ARHGAP29: variants seen among roughly 807,000 people sequenced by gnomAD.
The protein encoded by ARHGAP29 is Rho GTPase activating protein 29.
A neutral mutation model predicts 122.6 loss-of-function variants in ARHGAP29; 43 were observed. The ratio of observed to expected loss-of-function variants is 0.35; its 90% CI spans 0.27 to 0.45. ARHGAP29 has a LOEUF of 0.45. Among genes scored for constraint, ARHGAP29 ranks in the 20% least tolerant of loss-of-function variants. The probability of loss-of-function intolerance (pLI) is 1.00; values close to 1 mark genes in which losing one functional copy is unlikely to be tolerated. For synonymous variants in ARHGAP29, 506 were observed against 497.1 expected (o/e 1.02, Z -0.24); for missense variants, 1,303 against 1,477.2 (o/e 0.88, Z 1.93).
intron 1 of ARHGAP29, 41 bp from the exon 2 acceptor site, chr1:94,231,684 G>A (rs1652928362): frequency 6.8e-7 from 1 of 1,461,686 alleles, no homozygotes; most frequent in East Asian, 2.3e-5. Flanking sequence ...AGCGAGGAGA[G>A]AGAAAGAAAC....
At chr1:94,251,993 C>T (rs544259314) in intron 1 of ARHGAP29, among the ~76,000 whole-genome samples, 1 of 151,888 alleles carries the variant, frequency 6.6e-6, no homozygotes, top group Non-Finnish European at 1.5e-5. Context: ...TGTTTCCAGC[C>T]CCTGGAAAAG....
the ARHGAP29 span, among the ~76,000 whole-genome samples, chr1:94,311,738 GCTT>G: frequency 1.2e-4 from 18 of 152,130 alleles, no homozygotes; most frequent in Non-Finnish European, 2.5e-4. Flanking sequence ...TCTTGGGTTT[GCTT>G]CTTATTTTCC....
chr1:94,225,431 C>T (rs1219844782), intron 2 of ARHGAP29, among the ~76,000 whole-genome samples: 2 of 152,056 alleles, frequency 1.3e-5, no homozygotes, highest in South Asian at 2.1e-4. Flanking sequence ...TCTTAATATA[C>T]ATAAATGGCA....
chr1:94,273,716 G>A (rs1217226418), intron 1 of ARHGAP29, among the ~76,000 whole-genome samples: 1 of 152,188 alleles, frequency 6.6e-6, no homozygotes, highest in Non-Finnish European at 1.5e-5. Flanking sequence ...GAAAGATCTT[G>A]CCTTGGATTT....
chr1:94,199,079 C>T (rs1056443086), intron 12 of ARHGAP29, among the ~76,000 whole-genome samples: 6 of 151,938 alleles, frequency 3.9e-5, no homozygotes, highest in East Asian at 3.9e-4. Flanking sequence ...CATCACACAC[C>T]GGGGCCTGTC....
At position 94,174,530 on chromosome 1, in the gene ARHGAP29, A is replaced by G; in HGVS notation, c.3125T>C (p.Val1042Ala). The change falls in exon 23 of 23, where the codon GTA becomes GCA. Residue 1042 changes from valine to alanine, a missense_variant. Val to Ala is a moderately conservative substitution (Grantham distance 64). Around this residue, in one of 3 missense-constraint regions of ARHGAP29, gnomAD observed 620 missense variants for 651.2 expected, o/e 0.95. Transcript: ENST00000260526. ...NERNGRNMGNVNLDKFCKNPA... is the reference protein window; with the variant it reads ...NERNGRNMGNANLDKFCKNPA... ...ATTCTTGCAAAACTTGTCTAAATTT[A>G]CATTTCCCATATTTCTGCCATTTCT... The G allele has an allele frequency of 6.2e-7, 1 of 1,614,210 alleles. No homozygotes were observed. Among genetic ancestry groups the G allele is most frequent in the Non-Finnish European group, 8.5e-7 (1 of 1,180,030 alleles).
chr1:94,308,366 G>T, the ARHGAP29 span, among the ~76,000 whole-genome samples: 1 of 152,084 alleles, frequency 6.6e-6, no homozygotes, highest in African/African-American at 2.4e-5. Flanking sequence ...ATTTCCCCAA[G>T]ATCTTGGTCT....
intron 12 of ARHGAP29, chr1:94,195,143 T>C (rs1345549899): frequency 6.6e-6 from 1 of 152,176 alleles, no homozygotes; most frequent in Non-Finnish European, 1.5e-5. Context: ...AAAAAGACAC[T>C]GTAGTCATTA....
intron 1 of ARHGAP29, among the ~76,000 whole-genome samples, chr1:94,270,096 T>C (rs771387657): frequency 1.1e-4 from 17 of 152,294 alleles, no homozygotes; most frequent in Admixed American, 2.0e-4. Flanking sequence ...CTCAAAACAC[T>C]ATGACATTGA....
intron 1 of ARHGAP29, among the ~76,000 whole-genome samples, chr1:94,253,654 ACG>A (rs1366510541): frequency 3.3e-5 from 5 of 151,840 alleles, no homozygotes; most frequent in Admixed American, 1.3e-4. Flanking sequence ...GCACGCACGC[ACG>A]CACGCACGCA....
intron 12 of ARHGAP29, among the ~76,000 whole-genome samples, chr1:94,198,709 T>C (rs1458940571): frequency 6.6e-6 from 1 of 152,186 alleles, no homozygotes; most frequent in Non-Finnish European, 1.5e-5. Context: ...AGACATAATA[T>C]GTTCATGTGT....
intron 3 of ARHGAP29, among the ~76,000 whole-genome samples, chr1:94,213,306 A>G (rs987908849): frequency 1.3e-5 from 2 of 152,054 alleles, no homozygotes; most frequent in Non-Finnish European, 2.9e-5. Context: ...CAGCCTCCCG[A>G]GTAGCTGGGA....
intron 2 of ARHGAP29, among the ~76,000 whole-genome samples, chr1:94,222,596 A>G (rs564913282): frequency 1.2e-3 from 186 of 152,340 alleles, no homozygotes; most frequent in African/African-American, 4.3e-3. Context: ...GGAAAGTTTG[A>G]GAAGCTTACA....
At position 94,208,883 on chromosome 1, in the gene ARHGAP29, T is replaced by C. The variant is rs1651391150; in HGVS notation, c.459A>G (p.Gly153=). Residue 153 remains glycine, a synonymous_variant, in exon 5 of 23, where the codon GGA becomes GGG. Transcript: ENST00000260526. ...FGNILTNFLM[G]DVGNDSLLRL... Reference sequence around the variant, plus strand: ...GCAATAATGAATCATTGCCTACATCTCCCATAAGGAAGTTTGTAAGGCTAT... The same window carrying C: ...GCAATAATGAATCATTGCCTACATCCCCCATAAGGAAGTTTGTAAGGCTAT... The C allele has an allele frequency of 6.2e-7, 1 of 1,613,892 alleles. No individual in the cohort carries two copies. Among genetic ancestry groups the C allele is most frequent in the Non-Finnish European group, 8.5e-7 (1 of 1,179,906 alleles).
chr1:94,189,174 G>A (rs770383715), intron 14 of ARHGAP29, 42 bp downstream of exon 14: 2 of 1,563,044 alleles, frequency 1.3e-6, no homozygotes, highest in African/African-American at 1.4e-5. Context: ...CGAACAACCT[G>A]ACCTTTTATA....
Position 94,202,528 on chromosome 1 carries a change from A to G in ARHGAP29, c.1143+16T>C. The G allele has an allele frequency of 6.2e-7, 1 of 1,611,894 alleles. No homozygotes were observed. Among genetic ancestry groups the G allele is most frequent in the Non-Finnish European group, 8.5e-7 (1 of 1,179,538 alleles). ...CGCTAATTCAACTTGCAAATAAAAA[A>G]GAAAAAGATCGTTACTTTTTGGAGA... On this transcript the variant is annotated intron_variant, in intron 11 of 22. Transcript: ENST00000260526.
intron 1 of ARHGAP29, among the ~76,000 whole-genome samples, chr1:94,259,687 G>A (rs1182947256): frequency 6.6e-6 from 1 of 152,212 alleles, no homozygotes; most frequent in African/African-American, 2.4e-5. Context: ...CATCTCTAGG[G>A]ACTACAGAGG....
At chr1:94,251,171 ATT>A (rs531839914) in intron 1 of ARHGAP29, among the ~76,000 whole-genome samples, 492 of 134,088 alleles carry the variant, frequency 3.7e-3, no homozygotes, top group African/African-American at 0.012. Context: ...TATCATACCC[ATT>A]TTTTTTTTTT....
intron 3 of ARHGAP29, among the ~76,000 whole-genome samples, chr1:94,214,109 G>C (rs1262309368): frequency 6.6e-6 from 1 of 152,054 alleles, no homozygotes; most frequent in Non-Finnish European, 1.5e-5. Context: ...GTTCAAATCT[G>C]GTCTCTACTA....
Sources: allele counts gnomAD v4.1 joint callset (sites outside exome capture counted in the v4.1 genomes callset), GRCh38; gene constraint gnomAD v4.1.1; regional missense constraint gnomAD v4.1.1; transcripts MANE v1.5; gene names NCBI Gene and HGNC (gene_info 2026-07-23, HGNC 2026-07-21).